CMSS1: variants seen among roughly 807,000 people sequenced by gnomAD.
The protein encoded by CMSS1 is protein CMSS1.
Under a neutral mutation model 43.5 loss-of-function variants are expected in CMSS1, and 33 were observed. That is an observed-to-expected ratio of 0.76 (90% CI 0.57 to 1.01). CMSS1 has a LOEUF of 1.01. CMSS1 is among the 50% of genes least tolerant of loss of function. The pLI, the probability that CMSS1 is intolerant of heterozygous loss-of-function variation, is 0.00. For synonymous variants in CMSS1, 115 were observed against 117.2 expected, an observed-to-expected ratio of 0.98 and a Z score of 0.12; for missense variants, 313 against 326.4, an observed-to-expected ratio of 0.96 and a Z score of 0.32.
chr3:99,822,213 C>G (rs1315023727), intron 1 of CMSS1, among the ~76,000 whole-genome samples: 1 of 152,178 alleles, frequency 6.6e-6, no homozygotes, highest in Non-Finnish European at 1.5e-5. Flanking sequence ...CAGATCCAGG[C>G]TGAGATACAG....
intron 1 of CMSS1, chr3:100,115,141 GGGA>G: frequency 3.3e-6 from 2 of 614,560 alleles, no homozygotes; most frequent in Non-Finnish European, 5.8e-6. Flanking sequence ...TTGGATAGAA[GGGA>G]GGAGTTTGTT....
chr3:100,167,477 A>T (rs2067074301), intron 5 of CMSS1, among the ~76,000 whole-genome samples: 1 of 152,232 alleles, frequency 6.6e-6, no homozygotes, highest in Non-Finnish European at 1.5e-5. Context: ...AAAATGTAAT[A>T]TTCCAAATTT....
At chr3:99,895,907 A>G (rs1020162595) in intron 1 of CMSS1, among the ~76,000 whole-genome samples, 3 of 152,220 alleles carry the variant, frequency 2.0e-5, no homozygotes, top group South Asian at 2.1e-4. Context: ...AGGGCTGGAC[A>G]AAGGAACCCA....
intron 1 of CMSS1, among the ~76,000 whole-genome samples, chr3:99,932,474 G>A (rs1421720501): frequency 6.6e-6 from 1 of 151,420 alleles, no homozygotes; most frequent in Non-Finnish European, 1.5e-5. Context: ...TCATTTTACT[G>A]TTTTTGAATA....
At position 100,111,668 on chromosome 3, in the gene CMSS1, C is replaced by A. The variant is rs147641454; in HGVS notation, c.65-35305C>A. 2.7e-3 allele frequency among the ~76,000 whole-genome samples: 406 copies of A among 152,250 alleles called. 1 individual carries two copies. The highest frequency in any genetic ancestry group is 0.023 in the South Asian group (112 of 4,826). On this transcript the variant is annotated intron_variant, in intron 1 of 9. Transcript: ENST00000421999. ...CTTGAACTACTGTCAGATTTGAACC[C>A]TAGACTTCTAAGAGGCTATAATACA...
At chr3:99,944,489 T>A (rs994531704) in intron 1 of CMSS1, among the ~76,000 whole-genome samples, 2 of 152,220 alleles carry the variant, frequency 1.3e-5, no homozygotes, top group African/African-American at 4.8e-5. Flanking sequence ...AAATTTACTG[T>A]CTGCAGGCAC....
chr3:100,141,774 T>A (rs2066807612), intron 1 of CMSS1: 5 of 341,160 alleles, frequency 1.5e-5, no homozygotes, highest in South Asian at 1.2e-4. Context: ...GTCTTTTTTT[T>A]TAAGTAGACT....
chr3:99,983,417 T>C (rs1171936491), intron 1 of CMSS1, among the ~76,000 whole-genome samples: 1 of 96,264 alleles, frequency 1.0e-5, no homozygotes, highest in African/African-American at 4.6e-5. Flanking sequence ...TATATATATA[T>C]ATGTATGTAT....
chr3:100,164,215 C>G (rs934168417), intron 4 of CMSS1, among the ~76,000 whole-genome samples: 13 of 152,328 alleles, frequency 8.5e-5, no homozygotes, highest in African/African-American at 3.1e-4. Context: ...AGGAACTATT[C>G]TAACAAAACC....
intron 1 of CMSS1, among the ~76,000 whole-genome samples, chr3:100,080,153 C>A (rs1311548207): frequency 1.3e-5 from 2 of 152,028 alleles, no homozygotes; most frequent in African/African-American, 4.8e-5. Flanking sequence ...TTAAAAATTT[C>A]TATTTTTTTA....
chr3:100,123,799 C>T (rs1314659050), intron 1 of CMSS1, among the ~76,000 whole-genome samples: 4 of 152,218 alleles, frequency 2.6e-5, no homozygotes, highest in East Asian at 1.9e-4. Flanking sequence ...CCGGCCCTAA[C>T]GCTTTGTACA....
intron 1 of CMSS1, among the ~76,000 whole-genome samples, chr3:100,106,506 C>T (rs1177850845): frequency 6.6e-6 from 1 of 152,080 alleles, no homozygotes; most frequent in Non-Finnish European, 1.5e-5. Context: ...GAAAACTGCA[C>T]CCAGAAACCC....
At chr3:100,025,311 A>G (rs1018658293) in intron 1 of CMSS1, 1 of 152,208 alleles carries the variant, frequency 6.6e-6, no homozygotes, top group African/African-American at 2.4e-5. Flanking sequence ...TTTGAGCCAG[A>G]TGATTAGGTT....
At chr3:99,901,445 C>G (rs1219785563) in intron 1 of CMSS1, among the ~76,000 whole-genome samples, 1 of 152,052 alleles carries the variant, frequency 6.6e-6, no homozygotes, top group Non-Finnish European at 1.5e-5. Flanking sequence ...TTTTCCTGTC[C>G]CTGGAGAAGC....
intron 1 of CMSS1, among the ~76,000 whole-genome samples, chr3:100,122,000 G>A (rs1483191529): frequency 1.3e-5 from 2 of 152,194 alleles, no homozygotes; most frequent in African/African-American, 4.8e-5. Context: ...ATCCCAAGCA[G>A]CAGATAAGGA....
intron 1 of CMSS1, among the ~76,000 whole-genome samples, chr3:99,825,650 A>G (rs1273743967): frequency 6.6e-6 from 1 of 152,220 alleles, no homozygotes; most frequent in East Asian, 1.9e-4. Context: ...CTAAATGTCC[A>G]TGAATCTCTT....
intron 1 of CMSS1, chr3:99,850,973 G>A (rs1943664992): frequency 1.2e-5 from 20 of 1,614,090 alleles, no homozygotes; most frequent in Non-Finnish European, 1.7e-5. Flanking sequence ...AAAGACTTCA[G>A]CTTGGTCAGC....
At chr3:100,120,038 G>T (rs1265652429) in intron 1 of CMSS1, among the ~76,000 whole-genome samples, 2 of 152,182 alleles carry the variant, frequency 1.3e-5, no homozygotes, top group African/African-American at 4.8e-5. Flanking sequence ...AAGTGAAAAT[G>T]ATAATAAGAG....
At chr3:99,960,846 C>T (rs4244714) in intron 1 of CMSS1, among the ~76,000 whole-genome samples, 152,364 of 152,368 alleles carry the variant, frequency 1, 76,180 homozygotes, top group Non-Finnish European at 1. Context: ...TATATTTTTG[C>T]GTTGTTAATA....
Sources: gnomAD v4.1 joint callset for allele counts (sites outside exome capture counted in the v4.1 genomes callset) on GRCh38, gnomAD v4.1.1 for gene constraint, MANE v1.5 for transcripts, NCBI Gene and HGNC (gene_info 2026-07-23, HGNC 2026-07-21) for gene names.